Variants in LPIN2 observed in about 807,000 individuals in gnomAD.
The protein encoded by LPIN2 is phosphatidate phosphatase LPIN2.
LPIN2 carries 55 observed loss-of-function variants against 111.4 expected under a neutral mutation model. The ratio of observed to expected loss-of-function variants is 0.49; its 90% confidence interval spans 0.40 to 0.62. The LOEUF is 0.62. LPIN2 is among the 20% of genes least tolerant of loss of function. The pLI, the probability that LPIN2 is intolerant of heterozygous loss-of-function variation, is 0.00. For synonymous variants in LPIN2, 425 were observed against 414.0 expected, an observed-to-expected ratio of 1.03 and a Z score of -0.32; for missense variants, 992 against 1,112.1, an observed-to-expected ratio of 0.89 and a Z score of 1.54.
At chr18:2,945,487 C>T in intron 4 of LPIN2, 1 of 852,104 alleles carries the variant, frequency 1.2e-6, no homozygotes, top group Non-Finnish European at 2.0e-6. Context: ...CAGCAAGCCA[C>T]CACTTCACAC....
rs746103649 is a variant in LPIN2 at position 2,938,012 on chromosome 18, T to C, written c.848A>G (p.His283Arg). 1.9e-6 allele frequency: 3 copies of C among 1,614,136 alleles called. No individual in the cohort carries two copies. The highest frequency in any genetic ancestry group is 1.1e-5 in the South Asian group (1 of 91,082). ...TKVSKRERSD[H>R]HPRTATITPS... Reference sequence around the variant, plus strand: ...TGTAATTGTAGCTGTCCTAGGATGATGGTCAGATCGTTCTCTTTTGCTGAC... The same window carrying C: ...TGTAATTGTAGCTGTCCTAGGATGACGGTCAGATCGTTCTCTTTTGCTGAC... The change falls in exon 7 of 20, where the codon CAT becomes CGT. Residue 283 changes from histidine (H) to arginine (R), a missense_variant. Coordinates refer to ENST00000677752, the MANE Select transcript of LPIN2 (RefSeq NM_001375808.2).
At chr18:2,942,286 T>C (rs1200818885) in intron 4 of LPIN2, among the ~76,000 whole-genome samples, 2 of 152,166 alleles carry the variant, frequency 1.3e-5, no homozygotes, top group Non-Finnish European at 2.9e-5. Context: ...GAAAGACATC[T>C]AGGAAAAAGT....
intron 4 of LPIN2, among the ~76,000 whole-genome samples, chr18:2,941,693 G>A (rs182089802): frequency 4.3e-4 from 65 of 152,334 alleles, no homozygotes; most frequent in African/African-American, 1.0e-3. Context: ...TCGGAAGGCC[G>A]AGGCGGGTGG....
intron 1 of LPIN2, chr18:3,011,684 C>G (rs1245737899): frequency 6.6e-6 from 1 of 152,194 alleles, no homozygotes; most frequent in Non-Finnish European, 1.5e-5. Context: ...GAGACTCTGT[C>G]TCGAAATAAA....
chr18:2,981,648 C>T (rs2078112313), intron 1 of LPIN2, among the ~76,000 whole-genome samples: 1 of 152,190 alleles, frequency 6.6e-6, no homozygotes, highest in Admixed American at 6.5e-5. Context: ...TATAATATTA[C>T]AATGTTGATT....
chr18:2,989,081 T>G (rs984071044), intron 1 of LPIN2, among the ~76,000 whole-genome samples: 10 of 140,448 alleles, frequency 7.1e-5, no homozygotes, highest in Non-Finnish European at 1.3e-4. Flanking sequence ...TTTGCATATA[T>G]TATCTCTGAT....
At position 2,960,174 on chromosome 18, in the gene LPIN2, ATGTGTGTGTGTGTG is replaced by A. The variant is rs59457524; in HGVS notation, c.192+461_192+474del. 1.3e-3 allele frequency among the ~76,000 whole-genome samples: 181 copies of A among 136,634 alleles called. 1 individual carries two copies. In the East Asian group the frequency reaches 0.015, roughly 12 times the overall value. The allele number at this position is 136,634 out of a possible 152,430, so 89.6% of individuals were successfully genotyped here. A position where few individuals can be genotyped will look rare whatever the true frequency, so the allele number is the denominator to read the frequency against. ...AGCAAAGCGAGACTCCGACTCAAAA[ATGTGTGTGTGTGTG>A]TGTGTGTGTGTGTGTGTGTGTGTGT... On this transcript the variant is annotated intron_variant, in intron 2 of 19. Transcript: ENST00000677752.
At chr18:2,923,122 A>G (rs2077079642) in intron 16 of LPIN2, among the ~76,000 whole-genome samples, 1 of 152,158 alleles carries the variant, frequency 6.6e-6, no homozygotes, top group South Asian at 2.1e-4. Flanking sequence ...TATCTACTCA[A>G]AGAAATACAA....
At chr18:2,984,355 TC>T (rs1397956330) in intron 1 of LPIN2, among the ~76,000 whole-genome samples, 1 of 152,130 alleles carries the variant, frequency 6.6e-6, no homozygotes, top group East Asian at 1.9e-4. Flanking sequence ...AACTCCTACT[TC>T]CAGAAGAGAA....
intron 1 of LPIN2, among the ~76,000 whole-genome samples, chr18:2,961,193 C>T (rs983231920): frequency 6.6e-6 from 1 of 152,178 alleles, no homozygotes; most frequent in South Asian, 2.1e-4. Flanking sequence ...CCCTGACCTC[C>T]TGCCCAAGAC....
In LPIN2 at chr18:2,951,044, G is replaced by T; in HGVS notation, c.590+11C>A. ...ACCCGCACAAGACCCTTCCCAGGCT[G>T]AGAGTCCTACCGTGCTGCCTGGGCC... On this transcript the variant is annotated intron_variant, in intron 4 of 19. Transcript: ENST00000677752. The T allele has an allele frequency of 6.2e-7, 1 of 1,613,904 alleles. No individual in the cohort carries two copies. Among genetic ancestry groups the T allele is most frequent in the South Asian group, 1.1e-5 (1 of 91,062 alleles).
At chr18:2,930,283 A>G (rs1414110063) in intron 9 of LPIN2, among the ~76,000 whole-genome samples, 1 of 152,236 alleles carries the variant, frequency 6.6e-6, no homozygotes, top group African/African-American at 2.4e-5. Flanking sequence ...CTCGCATATA[A>G]TTTTTTAAAC....
chr18:2,928,963 C>CAA, intron 10 of LPIN2, 102 bp downstream of exon 10: 1 of 820,294 alleles, frequency 1.2e-6, no homozygotes, highest in East Asian at 2.4e-5. Flanking sequence ...TATGAGATGA[C>CAA]AAGTTTTATA....
intron 7 of LPIN2, 144 bp downstream of exon 7, chr18:2,937,548 A>G (rs957192778): frequency 8.1e-6 from 2 of 246,806 alleles, no homozygotes; most frequent in African/African-American, 4.7e-5. Flanking sequence ...TCCAGCTAAA[A>G]AAAAAAAAAA....
intron 10 of LPIN2, 149 bp from the exon 11 acceptor site, chr18:2,928,809 A>G: frequency 1.4e-6 from 1 of 739,744 alleles, no homozygotes; most frequent in East Asian, 2.7e-5. Flanking sequence ...TTTTTGTCAC[A>G]TGAATAACCT....
intron 1 of LPIN2, among the ~76,000 whole-genome samples, chr18:3,011,408 G>T (rs1034584303): frequency 7.9e-5 from 12 of 152,154 alleles, no homozygotes; most frequent in African/African-American, 2.9e-4. Context: ...AAGTCTGGCT[G>T]GGGCGGTTGC....
At chr18:2,940,421 C>G (rs2077353037) in intron 5 of LPIN2, among the ~76,000 whole-genome samples, 184 bp downstream of exon 5, 1 of 152,170 alleles carries the variant, frequency 6.6e-6, no homozygotes, top group South Asian at 2.1e-4. Context: ...TAGAGTAAGT[C>G]AGATCAAATT....
intron 1 of LPIN2, among the ~76,000 whole-genome samples, chr18:2,965,454 C>T (rs1318879906): frequency 1.3e-5 from 2 of 152,022 alleles, no homozygotes; most frequent in East Asian, 1.9e-4. Context: ...ATGGGCCAGG[C>T]GCGGTGGCTC....
intron 12 of LPIN2, among the ~76,000 whole-genome samples, chr18:2,927,265 G>A (rs1056290273): frequency 6.6e-6 from 1 of 152,178 alleles, no homozygotes; most frequent in African/African-American, 2.4e-5. Flanking sequence ...GGGAAAAAAA[G>A]ACTTGCTCTG....
Sources: gnomAD v4.1 joint callset for allele counts (sites outside exome capture counted in the v4.1 genomes callset) on GRCh38, gnomAD v4.1.1 for gene constraint, MANE v1.5 for transcripts, NCBI Gene and HGNC (gene_info 2026-07-23, HGNC 2026-07-21) for gene names.